LHFPL3: variants seen among roughly 807,000 people sequenced by gnomAD.
The protein encoded by LHFPL3 is LHFPL tetraspan subfamily member 3.
Under a neutral mutation model 19.3 loss-of-function variants are expected in LHFPL3, and 5 were observed. That is an observed-to-expected ratio of 0.26 (90% CI 0.14 to 0.54). The LOEUF is 0.54. LHFPL3 is among the 20% of genes least tolerant of loss of function. The pLI, the probability that LHFPL3 is intolerant of heterozygous loss-of-function variation, is 0.94. For missense variants in LHFPL3, 249 were observed against 307.4 expected, an observed-to-expected ratio of 0.81 and a Z score of 1.42; for synonymous variants, 133 against 126.2, an observed-to-expected ratio of 1.05 and a Z score of -0.36.
At chr7:104,488,659 A>G (rs1294928904) in intron 1 of LHFPL3, among the ~76,000 whole-genome samples, 4 of 152,178 alleles carry the variant, frequency 2.6e-5, no homozygotes, top group Non-Finnish European at 5.9e-5. Context: ...TCAGCTGACC[A>G]TGAAGGAGGT....
chr7:104,762,481 C>T (rs1259697088), intron 2 of LHFPL3, among the ~76,000 whole-genome samples: 1 of 151,948 alleles, frequency 6.6e-6, no homozygotes, highest in Non-Finnish European at 1.5e-5. Flanking sequence ...AAGAGGAGAC[C>T]AAGGGCAGGA....
At chr7:104,409,053 T>C (rs1161368847) in intron 1 of LHFPL3, among the ~76,000 whole-genome samples, 3 of 150,114 alleles carry the variant, frequency 2.0e-5, no homozygotes, top group Non-Finnish European at 4.5e-5. Context: ...TTTTTTTGTA[T>C]TTTTAGTAGA....
intron 1 of LHFPL3, among the ~76,000 whole-genome samples, chr7:104,617,504 C>T (rs374834163): frequency 7.2e-5 from 11 of 152,082 alleles, no homozygotes; most frequent in Non-Finnish European, 1.2e-4. Context: ...ATTTTGTTTT[C>T]GCTAGATGAC....
chr7:104,711,171 A>T (rs1180104976), intron 1 of LHFPL3, among the ~76,000 whole-genome samples: 1 of 152,240 alleles, frequency 6.6e-6, no homozygotes, highest in Non-Finnish European at 1.5e-5. Flanking sequence ...ATCACTCTGC[A>T]GTTATCAGAG....
intron 1 of LHFPL3, among the ~76,000 whole-genome samples, chr7:104,709,336 C>A (rs5004882): frequency 8.9e-6 from 1 of 112,400 alleles, no homozygotes; most frequent in Non-Finnish European, 2.0e-5. Flanking sequence ...CAGATAAACA[C>A]GTGAACAAAG....
chr7:104,589,967 A>G (rs978166675), intron 1 of LHFPL3, among the ~76,000 whole-genome samples: 7 of 152,004 alleles, frequency 4.6e-5, no homozygotes, highest in Non-Finnish European at 1.0e-4. Context: ...TATCTCCTTT[A>G]TCATTTTTAT....
chr7:104,688,366 T>G (rs1792844527), intron 1 of LHFPL3, among the ~76,000 whole-genome samples: 1 of 152,182 alleles, frequency 6.6e-6, no homozygotes, highest in Admixed American at 6.5e-5. Flanking sequence ...CACAAGCTCT[T>G]ATCATGAGAG....
intron 2 of LHFPL3, among the ~76,000 whole-genome samples, chr7:104,904,795 C>T (rs1219761847): frequency 1.3e-5 from 2 of 152,062 alleles, no homozygotes; most frequent in African/African-American, 2.4e-5. Context: ...TATAAGATAC[C>T]CTTAACCCCT....
At chr7:104,579,886 C>T (rs928161459) in intron 1 of LHFPL3, among the ~76,000 whole-genome samples, 2 of 152,168 alleles carry the variant, frequency 1.3e-5, no homozygotes, top group Non-Finnish European at 2.9e-5. Flanking sequence ...AGAGCTAGAG[C>T]TTGCTCCCAT....
At chr7:104,571,237 G>A (rs1015263381) in intron 1 of LHFPL3, among the ~76,000 whole-genome samples, 4 of 152,030 alleles carry the variant, frequency 2.6e-5, no homozygotes, top group Admixed American at 1.3e-4. Flanking sequence ...ACTTTAGACT[G>A]TAAAATGAAA....
intron 1 of LHFPL3, among the ~76,000 whole-genome samples, chr7:104,479,939 T>A (rs1793098674): frequency 4.6e-5 from 7 of 152,232 alleles, no homozygotes; most frequent in Admixed American, 4.6e-4. Context: ...AATTAATGTA[T>A]AAGATTGGGT....
At chr7:104,845,877 T>C (rs2116602331) in intron 2 of LHFPL3, among the ~76,000 whole-genome samples, 1 of 152,374 alleles carries the variant, frequency 6.6e-6, no homozygotes, top group East Asian at 1.9e-4. Context: ...GGATTACGGC[T>C]GTGGGCGTCT....
intron 1 of LHFPL3, chr7:104,667,765 A>T: frequency 1.9e-6 from 3 of 1,595,280 alleles, no homozygotes; most frequent in Non-Finnish European, 2.6e-6. Flanking sequence ...GCCTCAGCAA[A>T]AAAGAAGAAT....
At chr7:104,564,272 G>A (rs527950073) in intron 1 of LHFPL3, among the ~76,000 whole-genome samples, 2 of 152,250 alleles carry the variant, frequency 1.3e-5, no homozygotes, top group African/African-American at 2.4e-5. Context: ...GACTGAGTTA[G>A]GGTCTTAGCT....
At chr7:104,577,867 T>C (rs745311085) in intron 1 of LHFPL3, among the ~76,000 whole-genome samples, 2 of 152,198 alleles carry the variant, frequency 1.3e-5, no homozygotes, top group African/African-American at 4.8e-5. Flanking sequence ...CTTTAATAAG[T>C]GCTTAAAGCA....
chr7:104,602,995 C>T (rs528316569), intron 1 of LHFPL3, among the ~76,000 whole-genome samples: 22 of 152,240 alleles, frequency 1.4e-4, no homozygotes, highest in Non-Finnish European at 1.6e-4. Flanking sequence ...ATGACCTAAT[C>T]GCCTCTTAAA....
At chr7:104,589,553 G>A (rs6465996) in intron 1 of LHFPL3, among the ~76,000 whole-genome samples, 139,464 of 152,138 alleles carry the variant, frequency 0.92, 64,249 homozygotes, top group Non-Finnish European at 0.96. Context: ...TGTTCATCAG[G>A]GATATTGGTC....
At chr7:104,748,772 C>T (rs956488525) in intron 2 of LHFPL3, among the ~76,000 whole-genome samples, 3 of 152,142 alleles carry the variant, frequency 2.0e-5, no homozygotes, top group African/African-American at 7.2e-5. Flanking sequence ...ACGCTGGTTC[C>T]CCGGGTCCCC....
At chr7:104,669,247 C>A (rs904187300) in intron 1 of LHFPL3, 3 of 1,613,810 alleles carry the variant, frequency 1.9e-6, no homozygotes, top group Non-Finnish European at 2.5e-6. Context: ...CACAGAGCAG[C>A]AATCCCCTAC....
Sources: gnomAD v4.1 joint callset for allele counts (sites outside exome capture counted in the v4.1 genomes callset) on GRCh38, gnomAD v4.1.1 for gene constraint, MANE v1.5 for transcripts, NCBI Gene and HGNC (gene_info 2026-07-23, HGNC 2026-07-21) for gene names.